The following TRIM14 variants were observed in gnomAD, a reference collection of about 807,000 sequenced individuals.
TRIM14 encodes tripartite motif-containing protein 14.
Under a neutral mutation model 44.5 loss-of-function variants are expected in TRIM14, and 28 were observed. The ratio of observed to expected loss-of-function variants is 0.63; its 90% CI spans 0.47 to 0.86. TRIM14 has a LOEUF of 0.86. Among genes scored for constraint, TRIM14 ranks in the 40% least tolerant of loss-of-function variants. The pLI, the probability that TRIM14 is intolerant of heterozygous loss-of-function variation, is 0.00. For missense variants in TRIM14, 607 were observed against 611.1 expected, an observed-to-expected ratio of 0.99 and a Z score of 0.07; for synonymous variants, 299 against 269.2, an observed-to-expected ratio of 1.11 and a Z score of -1.08.
At chr9:98,067,960 G>A (rs544710815), downstream of TRIM14, among the ~76,000 whole-genome samples, 3 of 152,248 alleles carry the variant, frequency 2.0e-5, no homozygotes, top group South Asian at 2.1e-4. Context: ...GAGCTCAAGC[G>A]AACAGCCAAC....
chr9:98,078,196 G>A lies in TRIM14; in HGVS notation c.*29-8509C>T, dbSNP rs140402727. On this transcript the variant is annotated intron_variant, in intron 6 of 6. Transcript: ENST00000375098. ...GTGTTGGTGCTGGATTACTCAGGTCGCCCAATGGTGATCTCCAGTGGGATG... is the reference window on the plus strand; with the variant it reads ...GTGTTGGTGCTGGATTACTCAGGTCACCCAATGGTGATCTCCAGTGGGATG... 18 of 1,614,014 alleles carry A rather than the reference G, an allele frequency of 1.1e-5. No homozygotes were observed. Among genetic ancestry groups the A allele is most frequent in the South Asian group, 2.2e-5 (2 of 91,086 alleles).
intron 5 of TRIM14, among the ~76,000 whole-genome samples, chr9:98,088,690 G>A (rs574841070): frequency 3.9e-5 from 6 of 152,278 alleles, no homozygotes; most frequent in African/African-American, 1.4e-4. Flanking sequence ...GCATAACTTA[G>A]TCCTCCGTTT....
intron 2 of TRIM14, among the ~76,000 whole-genome samples, chr9:98,107,770 G>A (rs1214601952): frequency 3.9e-5 from 6 of 151,942 alleles, no homozygotes; most frequent in African/African-American, 1.2e-4. Context: ...GGGTTCAAGC[G>A]ATCCTCCCAC....
chr9:98,109,821 G>T, intron 2 of TRIM14, 68 bp downstream of exon 2: 1 of 1,296,958 alleles, frequency 7.7e-7, no homozygotes, highest in South Asian at 1.2e-5. Context: ...GCTCCATATT[G>T]GGGGTCCCTT....
At chr9:98,111,060 A>C (rs976044489) in intron 1 of TRIM14, among the ~76,000 whole-genome samples, 1 of 151,074 alleles carries the variant, frequency 6.6e-6, no homozygotes, top group Non-Finnish European at 1.5e-5. Flanking sequence ...CCCCCCCCCA[A>C]AAAAAAACAA....
the TRIM14 span, chr9:98,056,656 G>A: frequency 1.7e-6 from 2 of 1,168,996 alleles, no homozygotes; most frequent in African/African-American, 1.7e-5. Context: ...GAGAGAGGCG[G>A]GGCCTAGGGG....
the TRIM14 span, among the ~76,000 whole-genome samples, chr9:98,049,734 T>C: frequency 5.9e-5 from 9 of 152,288 alleles, no homozygotes; most frequent in Non-Finnish European, 1.3e-4. Context: ...TTGTGACATG[T>C]ACCCTGTGTC....
chr9:98,042,094 C>A, the TRIM14 span, among the ~76,000 whole-genome samples: 1 of 151,108 alleles, frequency 6.6e-6, no homozygotes. Context: ...GAGATCAAGA[C>A]CATCCTGGCT....
chr9:98,059,793 C>T, the TRIM14 span, among the ~76,000 whole-genome samples: 1 of 151,738 alleles, frequency 6.6e-6, no homozygotes, highest in South Asian at 2.1e-4. Context: ...CAGTAGAAGT[C>T]ATCTAGGGGC....
rs1463995954 is a variant in TRIM14, at chr9:98,095,784, T to TG, written c.538-756dup. 2.0e-5 allele frequency among the ~76,000 whole-genome samples: 3 copies of TG among 152,154 alleles called. No individual in the cohort carries two copies. Among genetic ancestry groups the TG allele is most frequent in the African/African-American group, 7.2e-5 (3 of 41,536 alleles). On this transcript the variant is annotated intron_variant, in intron 3 of 5. Transcript: ENST00000341469. This position sits in a 1 kb window ranked among gnomAD's most constrained non-coding sequence, Gnocchi z 4.1. ...ATGTGGCACTGAGGGACAGCAGTGG[T>TG]GGGGGCTCTGGTCAGTGGTGTGAGT...
rs1827164563 is a variant in TRIM14 at position 98,119,184 on chromosome 9, G to A, written c.5C>T (p.Ala2Val). 1 of 1,572,924 alleles carries A rather than the reference G, an allele frequency of 6.4e-7. No individual in the cohort carries two copies. Among genetic ancestry groups the A allele is most frequent in the Non-Finnish European group, 8.5e-7 (1 of 1,169,926 alleles). Residue 2 changes from alanine (A) to valine (V), a missense_variant, in exon 1 of 6, where the codon GCG becomes GTG. Coordinates refer to ENST00000341469, the MANE Select transcript of TRIM14 (RefSeq NM_014788.4). ...GGTCCGGCTCCCGGTCGCCGCGCCCGCCATTCATCTCCACCTCCTCCGGCT... is the reference window on the plus strand; with the variant it reads ...GGTCCGGCTCCCGGTCGCCGCGCCCACCATTCATCTCCACCTCCTCCGGCT... M[A>V]GAATGSRTPG...
At chr9:98,080,747 C>G, downstream of TRIM14, 8 of 1,503,694 alleles carry the variant, frequency 5.3e-6, no homozygotes, top group Non-Finnish European at 7.1e-6. Flanking sequence ...CAACCAGATA[C>G]GCTTCACCTG....
intron 2 of TRIM14, among the ~76,000 whole-genome samples, chr9:98,104,237 TA>T (rs1429048394): frequency 1.3e-5 from 2 of 152,122 alleles, no homozygotes; most frequent in African/African-American, 4.8e-5. Flanking sequence ...ATGAAGAAAA[TA>T]AAATGTATTT....
At chr9:98,076,115 G>A (rs988229173) in intron 6 of TRIM14, 1 of 152,162 alleles carries the variant, frequency 6.6e-6, no homozygotes, top group Non-Finnish European at 1.5e-5. Context: ...AAGGGCTCGG[G>A]TTGAATGGGC....
At chr9:98,044,920 C>G in the TRIM14 span, among the ~76,000 whole-genome samples, 1 of 152,050 alleles carries the variant, frequency 6.6e-6, no homozygotes, top group Non-Finnish European at 1.5e-5. Context: ...TGAGACCACC[C>G]TGTGCAACAT....
Position 98,095,177 on chromosome 9 carries a change from G to T in TRIM14, c.538-148C>A. 1 of 1,031,406 alleles carries T rather than the reference G, an allele frequency of 9.7e-7. No individual in the cohort carries two copies. Among genetic ancestry groups the T allele is most frequent in the Non-Finnish European group, 1.4e-6 (1 of 729,238 alleles). 63.9% of individuals were successfully genotyped at this position (1,031,406 alleles called of 1,614,324 possible). Reference sequence around the variant, plus strand: ...ATGGTCAGCCCAGGCCATGCCTGCAGGAGCAGAGCCCTGGAGAGACCATAC... The same window carrying T: ...ATGGTCAGCCCAGGCCATGCCTGCATGAGCAGAGCCCTGGAGAGACCATAC... On this transcript the variant is annotated intron_variant, in intron 3 of 5. Coordinates refer to ENST00000341469, the MANE Select transcript of TRIM14 (RefSeq NM_014788.4). This position sits in a 1 kb window ranked among gnomAD's most constrained non-coding sequence, Gnocchi z 4.1.
rs1207933405 is a variant in TRIM14, at chr9:98,087,483, G to T, written c.1316C>A (p.Pro439His). Residue 439 changes from proline to histidine, a missense_variant, in exon 6 of 6, where the codon CCC (proline) becomes CAC (histidine). Coordinates refer to ENST00000341469, the MANE Select transcript of TRIM14 (RefSeq NM_014788.4). ...LRLWEGAISI[P>H]RLP Reference sequence around the variant, plus strand: ...CGGTCCTGGCCCCTAGGGCAGCCGGGGGATGCTGATGGCCCCCTCCCAGAG... The same window carrying T: ...CGGTCCTGGCCCCTAGGGCAGCCGGTGGATGCTGATGGCCCCCTCCCAGAG... 6.2e-7 allele frequency: 1 copy of T among 1,603,464 alleles called. No homozygotes were observed. Among genetic ancestry groups the T allele is most frequent in the Non-Finnish European group, 8.5e-7 (1 of 1,174,426 alleles).
intron 3 of TRIM14, among the ~76,000 whole-genome samples, chr9:98,099,452 CA>C (rs768209860): frequency 7.3e-3 from 270 of 36,824 alleles, no homozygotes; most frequent in Middle Eastern, 0.023. Context: ...AACTCCATCT[CA>C]AAAAAAAAAA....
At chr9:98,040,798 A>G in the TRIM14 span, among the ~76,000 whole-genome samples, 1 of 151,984 alleles carries the variant, frequency 6.6e-6, no homozygotes, top group African/African-American at 2.4e-5. Flanking sequence ...CTAGGATTAC[A>G]GGTGCCCGAC....
Sources: allele counts gnomAD v4.1 joint callset (sites outside exome capture counted in the v4.1 genomes callset), GRCh38; gene constraint gnomAD v4.1.1; non-coding constraint Gnocchi (gnomAD v3.1); transcripts MANE v1.5; gene names NCBI Gene and HGNC (gene_info 2026-07-23, HGNC 2026-07-21).